KCNJ6: variants seen among roughly 807,000 people sequenced by gnomAD.
KCNJ6 encodes the protein G protein-activated inward rectifier potassium channel 2.
A neutral mutation model predicts 34.2 loss-of-function variants in KCNJ6; 9 were observed. That is an observed-to-expected ratio of 0.26 (90% CI 0.16 to 0.46). The LOEUF is 0.46. KCNJ6 is among the 20% of genes least tolerant of loss of function. The pLI, the probability that KCNJ6 is intolerant of heterozygous loss-of-function variation, is 1.00. For missense variants in KCNJ6, 236 were observed against 531.3 expected, an observed-to-expected ratio of 0.44 and a Z score of 5.46; for synonymous variants, 196 against 207.1, an observed-to-expected ratio of 0.95 and a Z score of 0.46.
At chr21:37,746,164 G>A (rs976118010) in intron 2 of KCNJ6, among the ~76,000 whole-genome samples, 19 of 152,252 alleles carry the variant, frequency 1.2e-4, no homozygotes, top group African/African-American at 4.6e-4. Context: ...ATCACATGGT[G>A]GATTAGGATG....
At chr21:37,751,179 C>T (rs1219202107) in intron 2 of KCNJ6, among the ~76,000 whole-genome samples, 3 of 152,222 alleles carry the variant, frequency 2.0e-5, no homozygotes, top group Non-Finnish European at 4.4e-5. Context: ...GAGAGGGCCA[C>T]ACACACAGAG....
At chr21:37,690,521 T>TTAA (rs773027475) in intron 3 of KCNJ6, among the ~76,000 whole-genome samples, 29 of 152,318 alleles carry the variant, frequency 1.9e-4, no homozygotes, top group South Asian at 1.9e-3. Context: ...AGGTCTCAGC[T>TTAA]GTGACAGTCT....
chr21:37,661,614 G>GTTCTTTTTTTT lies in KCNJ6; in HGVS notation c.947-36131_947-36130insAAAAAAAAGAA, dbSNP rs766622814. ...TCCACCCATTTCCTTAAGAGACATAGTTTTTTTTTTTTTTTTTTTTTTTTT... is the reference window on the plus strand; with the variant it reads ...TCCACCCATTTCCTTAAGAGACATAGTTCTTTTTTTTTTTTTTTTTTTTTTTTTTTTTTTTT... On this transcript the variant is annotated intron_variant, in intron 3 of 3. Transcript: ENST00000609713. Among the ~76,000 whole-genome samples the GTTCTTTTTTTT allele has an allele frequency of 7.9e-4, 56 of 71,198 alleles. 12 individuals carry two copies. The highest frequency in any genetic ancestry group is 2.2e-3 in the African/African-American group (41 of 18,704). 46.7% of individuals were successfully genotyped at this position (71,198 alleles called of 152,430 possible). A position where few individuals can be genotyped will look rare whatever the true frequency, so the allele number is the denominator to read the frequency against.
At chr21:37,887,604 A>G (rs931535338) in intron 1 of KCNJ6, among the ~76,000 whole-genome samples, 3 of 152,188 alleles carry the variant, frequency 2.0e-5, no homozygotes, top group Admixed American at 6.5e-5. Context: ...AAGATGTGTA[A>G]GAAGATAATG....
intron 1 of KCNJ6, among the ~76,000 whole-genome samples, chr21:37,848,300 G>C (rs1489951199): frequency 2.0e-5 from 3 of 152,174 alleles, no homozygotes; most frequent in Admixed American, 6.5e-5. Context: ...TCAGGATGGG[G>C]TACCATTTTT....
At chr21:37,794,422 T>C (rs1458073453) in intron 2 of KCNJ6, among the ~76,000 whole-genome samples, 1 of 152,182 alleles carries the variant, frequency 6.6e-6, no homozygotes, top group African/African-American at 2.4e-5. Flanking sequence ...TTCAACAAGG[T>C]TGTTATGTGA....
rs1275498260 is a variant in KCNJ6, at chr21:37,624,865, T to C, written c.*294A>G. 1.6e-5 allele frequency: 7 copies of C among 429,320 alleles called. No homozygotes were observed. The highest frequency in any genetic ancestry group is 1.6e-4 in the Admixed American group (4 of 25,358). 26.6% of individuals were successfully genotyped at this position (429,320 alleles called of 1,614,324 possible). ...TCTGGTATTGTACAACACATGCAGG[T>C]AAGTAACTGAAATCTCCAGGAGTTG... On this transcript the variant is annotated 3_prime_UTR_variant, in exon 4 of 4. Transcript: ENST00000609713.
chr21:37,727,715 T>C (rs1226301398), intron 2 of KCNJ6, among the ~76,000 whole-genome samples: 1 of 152,126 alleles, frequency 6.6e-6, no homozygotes, highest in Non-Finnish European at 1.5e-5. Flanking sequence ...GTGATGAACT[T>C]CATCCCAGAG....
At chr21:37,672,934 G>A (rs1872267356) in intron 3 of KCNJ6, among the ~76,000 whole-genome samples, 1 of 152,144 alleles carries the variant, frequency 6.6e-6, no homozygotes, top group Admixed American at 6.5e-5. Flanking sequence ...GCATGCTGCT[G>A]TGCCCTGTTA....
intron 2 of KCNJ6, among the ~76,000 whole-genome samples, chr21:37,784,916 C>A (rs560691867): frequency 6.6e-6 from 1 of 152,278 alleles, no homozygotes; most frequent in South Asian, 2.1e-4. Context: ...CTCTTTGGAG[C>A]CTCACCCCTC....
intron 1 of KCNJ6, among the ~76,000 whole-genome samples, chr21:37,853,869 A>G (rs2055551124): frequency 1.7e-5 from 1 of 60,498 alleles, no homozygotes; most frequent in African/African-American, 1.3e-4. Context: ...TATAAATTAC[A>G]TTGTGTATAT....
At chr21:37,887,936 G>T (rs2055743644) in intron 1 of KCNJ6, among the ~76,000 whole-genome samples, 1 of 152,248 alleles carries the variant, frequency 6.6e-6, no homozygotes, top group African/African-American at 2.4e-5. Context: ...TTGTTGGGCA[G>T]GTGGCCTCTG....
At chr21:37,893,551 C>T (rs1182290151) in intron 1 of KCNJ6, among the ~76,000 whole-genome samples, 1 of 152,146 alleles carries the variant, frequency 6.6e-6, no homozygotes, top group East Asian at 1.9e-4. Context: ...TTGGTCCATA[C>T]CTTCTTGCAA....
At chr21:37,767,151 T>C (rs2055095353) in intron 2 of KCNJ6, among the ~76,000 whole-genome samples, 2 of 152,084 alleles carry the variant, frequency 1.3e-5, no homozygotes, top group Admixed American at 6.5e-5. Context: ...ACACTGTACA[T>C]GGGATTGGAA....
Position 37,617,329 on chromosome 21 carries a change from G to A in KCNJ6, c.*7830C>T, listed in dbSNP as rs2054276247. The A allele has an allele frequency of 6.6e-6, 1 of 151,652 alleles. No homozygotes were observed. Among genetic ancestry groups the A allele is most frequent in the South Asian group, 2.1e-4 (1 of 4,790 alleles). The allele number at this position is 151,652 out of a possible 1,614,324, so 9.4% of individuals were successfully genotyped here. A position where few individuals can be genotyped will look rare whatever the true frequency, so the allele number is the denominator to read the frequency against. On this transcript the variant is annotated 3_prime_UTR_variant, in exon 4 of 4. Coordinates refer to ENST00000609713, the MANE Select transcript of KCNJ6 (RefSeq NM_002240.5). ...CCCCTCCCAAGTTTAAGCTATTCTT[G>A]TGCCTCAGCCTCCAGAGTAGCTGGG...
intron 3 of KCNJ6, among the ~76,000 whole-genome samples, chr21:37,676,062 G>A (rs553709134): frequency 2.5e-4 from 38 of 152,236 alleles, no homozygotes; most frequent in Non-Finnish European, 4.7e-4. Flanking sequence ...TGGGAGATTC[G>A]TGGGCACCAC....
intron 1 of KCNJ6, among the ~76,000 whole-genome samples, chr21:37,853,835 C>CATATATATGTGTGTGTATATATAT (rs1399366665): frequency 2.3e-5 from 1 of 43,238 alleles, no homozygotes; most frequent in Non-Finnish European, 3.7e-5. Context: ...TTAAGAGATA[C>CATATATATGTGTGTGTATATATAT]ATATATATAT....
chr21:37,689,739 C>T lies in KCNJ6; in HGVS notation c.946+24472G>A, dbSNP rs567948679. Among the ~76,000 whole-genome samples the T allele has an allele frequency of 3.3e-5, 5 of 152,142 alleles. No homozygotes were observed. The South Asian group carries it at 1.0e-3, about 32-fold the overall frequency. On this transcript the variant is annotated intron_variant, in intron 3 of 3. Coordinates refer to ENST00000609713, the MANE Select transcript of KCNJ6 (RefSeq NM_002240.5). ...TGTTTATGTTGAAACTCATGGCCCACCGTGAAAGAAAAGGGTTAGTCTCTT... is the reference window on the plus strand; with the variant it reads ...TGTTTATGTTGAAACTCATGGCCCATCGTGAAAGAAAAGGGTTAGTCTCTT...
At chr21:37,766,327 C>T (rs966626923) in intron 2 of KCNJ6, among the ~76,000 whole-genome samples, 7 of 152,114 alleles carry the variant, frequency 4.6e-5, no homozygotes, top group African/African-American at 1.7e-4. Flanking sequence ...CAGGGTTTGA[C>T]ATGAACCCCT....
Sources: gnomAD v4.1 joint callset for allele counts (sites outside exome capture counted in the v4.1 genomes callset) on GRCh38, gnomAD v4.1.1 for gene constraint, MANE v1.5 for transcripts, NCBI Gene and HGNC (gene_info 2026-07-23, HGNC 2026-07-21) for gene names.